NRG4: variants seen among roughly 807,000 people sequenced by gnomAD.
NRG4 encodes the protein neuregulin 4.
In NRG4, 10 loss-of-function variants were observed where a neutral mutation model predicts 15.0. The ratio of observed to expected loss-of-function variants is 0.67; its 90% CI spans 0.41 to 1.13. The LOEUF (loss-of-function observed/expected upper bound fraction) is 1.13, where lower values mean the gene tolerates loss of function less well. NRG4 is among the 50% of genes most tolerant of loss of function. NRG4 has a pLI of 0.00. For missense variants in NRG4, 139 were observed against 140.2 expected, an observed-to-expected ratio of 0.99 and a Z score of 0.04; for synonymous variants, 41 against 50.1, an observed-to-expected ratio of 0.82 and a Z score of 0.77.
intron 4 of NRG4, among the ~76,000 whole-genome samples, chr15:76,050,323 A>C (rs1261905006): frequency 6.6e-6 from 1 of 150,646 alleles, no homozygotes; most frequent in Non-Finnish European, 1.5e-5. Context: ...TGATTTTTCT[A>C]ATCTATTTTT....
At chr15:75,953,916 G>A (rs911927989) in intron 5 of NRG4, among the ~76,000 whole-genome samples, 8 of 152,056 alleles carry the variant, frequency 5.3e-5, no homozygotes, top group Non-Finnish European at 7.4e-5. Flanking sequence ...CAAACTCTTC[G>A]GTTCAAGTGA....
chr15:75,956,854 A>G (rs2032266146), intron 4 of NRG4, among the ~76,000 whole-genome samples: 1 of 152,234 alleles, frequency 6.6e-6, no homozygotes, highest in South Asian at 2.1e-4. Flanking sequence ...CCAAGTTCAC[A>G]TGGTCACTAC....
At chr15:75,974,905 T>C (rs1206350662) in intron 3 of NRG4, among the ~76,000 whole-genome samples, 1 of 152,164 alleles carries the variant, frequency 6.6e-6, no homozygotes, top group Admixed American at 6.5e-5. Flanking sequence ...GTTCTGAATA[T>C]CCTTGTTAAT....
intron 3 of NRG4, among the ~76,000 whole-genome samples, chr15:75,991,032 C>A (rs1371886673): frequency 6.6e-6 from 1 of 152,060 alleles, no homozygotes; most frequent in East Asian, 1.9e-4. Flanking sequence ...TTTATATAAT[C>A]TTTTCAAGGT....
intron 4 of NRG4, among the ~76,000 whole-genome samples, chr15:75,959,691 G>C (rs927304856): frequency 2.0e-5 from 3 of 151,908 alleles, no homozygotes; most frequent in African/African-American, 7.3e-5. Context: ...TGTAGAGACA[G>C]GGTCTTGTGA....
upstream of NRG4, chr15:76,059,861 G>A (rs1033233138): frequency 1.9e-4 from 27 of 145,088 alleles, no homozygotes; most frequent in Non-Finnish European, 3.5e-4. Flanking sequence ...AGCCGCCGGC[G>A]CGAGGCCTCG....
At chr15:75,994,801 A>G (rs1466350592) in intron 3 of NRG4, among the ~76,000 whole-genome samples, 2 of 152,234 alleles carry the variant, frequency 1.3e-5, no homozygotes, top group Non-Finnish European at 2.9e-5. Flanking sequence ...AATAAGCAAC[A>G]CAACAATATA....
At chr15:75,936,588 T>A (rs2030359541), downstream of NRG4, 1 of 152,202 alleles carries the variant, frequency 6.6e-6, no homozygotes, top group Admixed American at 6.5e-5. Flanking sequence ...AAACTTTTTT[T>A]TTTTTGAGAG....
chr15:75,940,823 TAACTC>T (rs1311651600), downstream of NRG4: 8 of 152,074 alleles, frequency 5.3e-5, no homozygotes, highest in African/African-American at 1.7e-4. Context: ...TTGCAAAAAT[TAACTC>T]AAAATGGACC....
intron 4 of NRG4, among the ~76,000 whole-genome samples, chr15:75,960,838 G>A (rs1175724774): frequency 6.6e-6 from 1 of 152,044 alleles, no homozygotes; most frequent in Non-Finnish European, 1.5e-5. Context: ...TTAAATTTTT[G>A]TATCTGAAGT....
In NRG4 at chr15:75,998,760, T is replaced by C. The variant is rs570837769; in HGVS notation, c.104+10440A>G. Among the ~76,000 whole-genome samples the C allele has an allele frequency of 9.9e-5, 15 of 152,232 alleles. No homozygotes were observed. In the South Asian group the frequency reaches 3.1e-3, roughly 32 times the overall value. ...AAAATTCAGAAATATGCAAAACATA[T>C]ATAATGTTAAAAACACTCTTGAAGT... On this transcript the variant is annotated intron_variant, in intron 3 of 5. Transcript: ENST00000394907.
intron 3 of NRG4, among the ~76,000 whole-genome samples, chr15:75,993,236 A>AT (rs1387085291): frequency 6.8e-6 from 1 of 148,014 alleles, no homozygotes; most frequent in African/African-American, 2.5e-5. Flanking sequence ...TAAACCTGAA[A>AT]TTTTGGCTTT....
At chr15:76,030,713 TA>T (rs1450661212) in intron 5 of NRG4, among the ~76,000 whole-genome samples, 1 of 152,180 alleles carries the variant, frequency 6.6e-6, no homozygotes, top group South Asian at 2.1e-4. Flanking sequence ...AAAGGCACAG[TA>T]ACAAAGCAAA....
chr15:75,988,774 A>G (rs1459838597), intron 3 of NRG4, among the ~76,000 whole-genome samples: 1 of 152,024 alleles, frequency 6.6e-6, no homozygotes, highest in South Asian at 2.1e-4. Flanking sequence ...ATGGGACCAC[A>G]AACACCCTGA....
rs191883576 is a variant in NRG4, at chr15:76,004,263, T to C, written c.104+4937A>G. 2.6e-5 allele frequency among the ~76,000 whole-genome samples: 4 copies of C among 152,092 alleles called. No homozygotes were observed. In the East Asian group the frequency reaches 7.7e-4, roughly 29 times the overall value. ...ATCCCCATGGTAAACACAAAGAAAA[T>C]AGTTATAGAATATACACAAAAGGAA... On this transcript the variant is annotated intron_variant, in intron 3 of 5. Coordinates refer to ENST00000394907, the MANE Select transcript of NRG4 (RefSeq NM_138573.4).
intron 4 of NRG4, among the ~76,000 whole-genome samples, chr15:76,044,142 C>T (rs1043588160): frequency 2.0e-5 from 3 of 151,624 alleles, no homozygotes; most frequent in Middle Eastern, 6.8e-3. Flanking sequence ...GGACTACAAG[C>T]GCCCGCCACC....
intron 4 of NRG4, among the ~76,000 whole-genome samples, chr15:76,038,190 T>C (rs1424370418): frequency 6.6e-6 from 1 of 152,174 alleles, no homozygotes; most frequent in East Asian, 1.9e-4. Flanking sequence ...TTCCCACCTG[T>C]GGTGGCTATG....
chr15:76,022,405 C>T (rs1012313532), intron 5 of NRG4, among the ~76,000 whole-genome samples: 1 of 141,826 alleles, frequency 7.1e-6, no homozygotes, highest in Non-Finnish European at 1.5e-5. Flanking sequence ...TTCACAGACA[C>T]ATATGTATGT....
In NRG4 at chr15:76,008,688, A is replaced by G. The variant is rs191052639; in HGVS notation, c.104+512T>C. Among the ~76,000 whole-genome samples the G allele has an allele frequency of 3.4e-3, 525 of 152,308 alleles. 3 individuals are homozygous for G. The highest frequency in any genetic ancestry group is 3.6e-3 in the Non-Finnish European group (245 of 68,004). ...CAGTGAATTATATTATTTTAAAACAATAGTGGCTAAGATACCCTTCTTTTT... is the reference window on the plus strand; with the variant it reads ...CAGTGAATTATATTATTTTAAAACAGTAGTGGCTAAGATACCCTTCTTTTT... On this transcript the variant is annotated intron_variant, in intron 3 of 5. Transcript: ENST00000394907.
Sources: allele counts gnomAD v4.1 joint callset (sites outside exome capture counted in the v4.1 genomes callset), GRCh38; gene constraint gnomAD v4.1.1; transcripts MANE v1.5; gene names NCBI Gene and HGNC (gene_info 2026-07-23, HGNC 2026-07-21).